The following FARS2 variants were observed in gnomAD, a reference collection of about 807,000 sequenced individuals.
FARS2 encodes phenylalanyl-tRNA synthetase 2, mitochondrial.
A neutral mutation model predicts 46.4 loss-of-function variants in FARS2; 40 were observed. The observed-to-expected ratio is 0.86, with a 90% CI of 0.67 to 1.12. FARS2 has a LOEUF of 1.12. Among genes scored for constraint, FARS2 ranks in the 50% most tolerant of loss-of-function variants. FARS2 has a pLI of 0.00. For synonymous variants in FARS2, 234 were observed against 214.9 expected, an observed-to-expected ratio of 1.09 and a Z score of -0.78; for missense variants, 513 against 567.9, an observed-to-expected ratio of 0.90 and a Z score of 0.98.
intron 4 of FARS2, among the ~76,000 whole-genome samples, chr6:5,537,466 C>T (rs9766296): frequency 0.92 from 110,920 of 120,950 alleles, 51,359 homozygotes; most frequent in East Asian, 0.98. Flanking sequence ...TCCTCTCGAG[C>T]TGGAGATGTC....
Position 5,727,654 on chromosome 6 carries a change from C to T in FARS2, c.1218-43637C>T, listed in dbSNP as rs543539694. ...GTGGCACCTATACATCTTTAATACA[C>T]GCCCCAATTAATGAGTTAAGTCCAG... On this transcript the variant is annotated intron_variant, in intron 6 of 6. Transcript: ENST00000274680. The surrounding 1 kb of genome is among the most constrained non-coding windows in gnomAD (Gnocchi z 4.1). Among the ~76,000 whole-genome samples the T allele has an allele frequency of 1.8e-4, 28 of 152,260 alleles. No homozygotes were observed. The highest frequency in any genetic ancestry group is 3.4e-3 in the Middle Eastern group (1 of 294).
intron 4 of FARS2, among the ~76,000 whole-genome samples, chr6:5,464,039 A>G (rs1043425329): frequency 5.9e-5 from 9 of 152,044 alleles, no homozygotes; most frequent in African/African-American, 1.9e-4. Context: ...CCACGATTCA[A>G]CCTCTGGACT....
At position 5,764,447 on chromosome 6, in the gene FARS2, C is replaced by T. The variant is rs896269697; in HGVS notation, c.1218-6844C>T. On this transcript the variant is annotated intron_variant, in intron 6 of 6. Coordinates refer to ENST00000274680, the MANE Select transcript of FARS2 (RefSeq NM_006567.5). This position sits in a 1 kb window ranked among gnomAD's most constrained non-coding sequence, Gnocchi z 4.1. ...ACGTATTGACCCTCGCAGCCATGCA[C>T]AGTGCCTCTGACGTGGGCAGCTCCA... Among the ~76,000 whole-genome samples the T allele has an allele frequency of 2.0e-5, 3 of 152,164 alleles. No individual in the cohort carries two copies. Among genetic ancestry groups the T allele is most frequent in the Admixed American group, 6.5e-5 (1 of 15,278 alleles).
At chr6:5,357,549 A>G (rs1355262822) in intron 1 of FARS2, among the ~76,000 whole-genome samples, 6 of 152,242 alleles carry the variant, frequency 3.9e-5, no homozygotes, top group African/African-American at 1.2e-4. Context: ...CGAGGAGAGC[A>G]TATAGGATAA....
chr6:5,521,716 A>T (rs1769151164), intron 4 of FARS2, among the ~76,000 whole-genome samples: 1 of 152,208 alleles, frequency 6.6e-6, no homozygotes, highest in Non-Finnish European at 1.5e-5. Flanking sequence ...TGCAGAACTC[A>T]TGGTGATACG....
chr6:5,494,182 G>T (rs574043367), intron 4 of FARS2, among the ~76,000 whole-genome samples: 6 of 150,992 alleles, frequency 4.0e-5, no homozygotes, highest in Non-Finnish European at 8.8e-5. Context: ...AAAATGTAGG[G>T]TATATACTCA....
chr6:5,519,873 A>G (rs1769025074), intron 4 of FARS2, among the ~76,000 whole-genome samples: 1 of 152,246 alleles, frequency 6.6e-6, no homozygotes, highest in African/African-American at 2.4e-5. Context: ...TGGTTGATGA[A>G]TCTATTCGTA....
intron 3 of FARS2, among the ~76,000 whole-genome samples, chr6:5,425,547 T>C (rs1206836674): frequency 2.0e-5 from 3 of 152,184 alleles, no homozygotes; most frequent in Admixed American, 6.5e-5. Flanking sequence ...CAAGTGTCCC[T>C]GGCTGGTCTT....
intron 6 of FARS2, among the ~76,000 whole-genome samples, chr6:5,694,675 A>G (rs1757982749): frequency 6.6e-6 from 1 of 152,128 alleles, no homozygotes; most frequent in Non-Finnish European, 1.5e-5. Context: ...AGTGCCTATG[A>G]GTTCTCATTT....
At chr6:5,532,774 T>TAAGAAGAAGAAGAAGAAGAAGAAG (rs1391729088) in intron 4 of FARS2, among the ~76,000 whole-genome samples, 18 of 141,388 alleles carry the variant, frequency 1.3e-4, no homozygotes, top group African/African-American at 4.5e-4. Context: ...GTAATAATAA[T>TAAGAAGAAGAAGAAGAAGAAGAAG]AATAATAATA....
At chr6:5,385,785 G>T (rs1300625543) in intron 2 of FARS2, among the ~76,000 whole-genome samples, 1 of 152,108 alleles carries the variant, frequency 6.6e-6, no homozygotes, top group Non-Finnish European at 1.5e-5. Flanking sequence ...TTATTTCTCT[G>T]TATGTGAACC....
chr6:5,285,228 T>G (rs1041802666), intron 1 of FARS2, among the ~76,000 whole-genome samples: 1 of 152,034 alleles, frequency 6.6e-6, no homozygotes, highest in African/African-American at 2.4e-5. Flanking sequence ...AAGCATCGGA[T>G]GCAGTGACGG....
At chr6:5,430,025 C>T (rs1013164040) in intron 3 of FARS2, among the ~76,000 whole-genome samples, 4 of 151,638 alleles carry the variant, frequency 2.6e-5, no homozygotes, top group African/African-American at 9.7e-5. Flanking sequence ...TTTTTATTTG[C>T]TTCACATTTT....
chr6:5,736,260 G>C (rs1404592648), intron 6 of FARS2, among the ~76,000 whole-genome samples: 3 of 152,218 alleles, frequency 2.0e-5, no homozygotes, highest in Non-Finnish European at 4.4e-5. Context: ...CAAGAGCAGG[G>C]AGAGGCCACA....
chr6:5,545,693 A>C (rs1770936739), intron 5 of FARS2, among the ~76,000 whole-genome samples: 1 of 152,144 alleles, frequency 6.6e-6, no homozygotes, highest in East Asian at 1.9e-4. Flanking sequence ...CCAACTTATG[A>C]GTGAGAACAT....
chr6:5,704,246 G>A (rs2150889405), intron 6 of FARS2, among the ~76,000 whole-genome samples: 1 of 152,276 alleles, frequency 6.6e-6, no homozygotes, highest in South Asian at 2.1e-4. Flanking sequence ...CTCATAGATG[G>A]TTGTCTTCTT....
intron 4 of FARS2, among the ~76,000 whole-genome samples, chr6:5,432,428 TTATAAA>T (rs1409507375): frequency 1.6e-5 from 2 of 125,896 alleles, no homozygotes; most frequent in African/African-American, 6.0e-5. Flanking sequence ...ATATAATATA[TTATAAA>T]TATAATATAT....
At chr6:5,254,360 G>A in the FARS2 span, among the ~76,000 whole-genome samples, 1 of 152,182 alleles carries the variant, frequency 6.6e-6, no homozygotes, top group African/African-American at 2.4e-5. Flanking sequence ...CTTTCCAAGA[G>A]TTTGTAGAAT....
intron 5 of FARS2, among the ~76,000 whole-genome samples, chr6:5,583,152 T>C (rs1293968349): frequency 6.6e-6 from 1 of 152,244 alleles, no homozygotes; most frequent in African/African-American, 2.4e-5. Context: ...AATTAAAAAG[T>C]TATTGTAAAA....
Sources: gnomAD v4.1 joint callset for allele counts (sites outside exome capture counted in the v4.1 genomes callset) on GRCh38, gnomAD v4.1.1 for gene constraint, Gnocchi (gnomAD v3.1) non-coding constraint, MANE v1.5 for transcripts, NCBI Gene and HGNC (gene_info 2026-07-23, HGNC 2026-07-21) for gene names.